The following RICTOR variants were observed in gnomAD, a reference collection of about 807,000 sequenced individuals.
RICTOR encodes rapamycin-insensitive companion of mTOR.
In RICTOR, 49 loss-of-function variants were observed where a neutral mutation model predicts 214.9. That is an observed-to-expected ratio of 0.23 (90% CI 0.18 to 0.29). The LOEUF is 0.29. RICTOR is among the 10% of genes least tolerant of loss of function. The pLI is 1.00. For synonymous variants in RICTOR, 717 were observed against 711.3 expected, an observed-to-expected ratio of 1.01 and a Z score of -0.13; for missense variants, 1,625 against 2,047.0, an observed-to-expected ratio of 0.79 and a Z score of 3.98.
intron 7 of RICTOR, among the ~76,000 whole-genome samples, chr5:38,986,746 T>G (rs1752201212): frequency 6.6e-6 from 1 of 152,222 alleles, no homozygotes; most frequent in African/African-American, 2.4e-5. Context: ...TGGCCAGAAC[T>G]TCTAATACTA....
At chr5:39,050,638 CA>C (rs148867697) in intron 2 of RICTOR, among the ~76,000 whole-genome samples, 6,840 of 152,100 alleles carry the variant, frequency 0.045, 285 homozygotes, top group African/African-American at 0.1. Context: ...GCCTGACCTA[CA>C]AAGAACTTAC....
At chr5:39,016,268 CAG>C (rs1362298427) in intron 3 of RICTOR, among the ~76,000 whole-genome samples, 1 of 149,512 alleles carries the variant, frequency 6.7e-6, no homozygotes, top group African/African-American at 2.5e-5. Context: ...GCCTTCATTA[CAG>C]AGATACACTG....
intron 5 of RICTOR, among the ~76,000 whole-genome samples, chr5:39,002,326 G>A (rs575161441): frequency 6.6e-6 from 1 of 152,006 alleles, no homozygotes; most frequent in Admixed American, 6.6e-5. Flanking sequence ...CAACTGATTG[G>A]AGATGTAACA....
At chr5:39,000,655 A>G (rs1372016469) in intron 5 of RICTOR, among the ~76,000 whole-genome samples, 1 of 151,998 alleles carries the variant, frequency 6.6e-6, no homozygotes, top group African/African-American at 2.4e-5. Context: ...GGTAAGAAAA[A>G]GATAAAGATT....
chr5:38,948,757 C>T (rs1434225062), intron 31 of RICTOR, among the ~76,000 whole-genome samples: 1 of 152,060 alleles, frequency 6.6e-6, no homozygotes, highest in East Asian at 1.9e-4. Context: ...ATAGATGAGA[C>T]ATTGCTGCAT....
intron 21 of RICTOR, 47 bp from the exon 22 acceptor site, chr5:38,959,368 T>C (rs1001886964): frequency 1.9e-6 from 2 of 1,055,986 alleles, no homozygotes; most frequent in Non-Finnish European, 2.7e-6. Context: ...ATTACTATAT[T>C]GATACATTAA....
At chr5:39,065,810 C>G (rs1758864333) in intron 2 of RICTOR, among the ~76,000 whole-genome samples, 1 of 152,262 alleles carries the variant, frequency 6.6e-6, no homozygotes, top group Non-Finnish European at 1.5e-5. Flanking sequence ...TCAAGGCACA[C>G]TGCTGCAAAG....
At chr5:39,072,778 CTAAT>C (rs1187485492) in intron 2 of RICTOR, among the ~76,000 whole-genome samples, 1 of 152,164 alleles carries the variant, frequency 6.6e-6, no homozygotes, top group African/African-American at 2.4e-5. Flanking sequence ...CATTGATAAT[CTAAT>C]TAGTAGCCAT....
chr5:39,016,358 G>A (rs529804073), intron 3 of RICTOR, among the ~76,000 whole-genome samples: 24 of 151,846 alleles, frequency 1.6e-4, no homozygotes, highest in African/African-American at 5.3e-4. Flanking sequence ...TGAGAAAAGA[G>A]GGAGGAAGAG....
intron 7 of RICTOR, among the ~76,000 whole-genome samples, chr5:38,989,752 C>T (rs1269765977): frequency 6.6e-6 from 1 of 152,126 alleles, no homozygotes; most frequent in African/African-American, 2.4e-5. Context: ...TGAAAAAAAG[C>T]TCATTACCAC....
intron 2 of RICTOR, among the ~76,000 whole-genome samples, chr5:39,054,040 C>T (rs1758035002): frequency 6.6e-6 from 1 of 152,074 alleles, no homozygotes. Flanking sequence ...GGAGATCGAG[C>T]CACTGCGCTC....
At chr5:39,030,062 C>T (rs901140000) in intron 2 of RICTOR, among the ~76,000 whole-genome samples, 2 of 152,088 alleles carry the variant, frequency 1.3e-5, no homozygotes, top group South Asian at 2.1e-4. Context: ...TTAATGATCA[C>T]ATTAGATATT....
intron 2 of RICTOR, among the ~76,000 whole-genome samples, chr5:39,061,506 A>C (rs1319471925): frequency 6.6e-6 from 1 of 152,044 alleles, no homozygotes; most frequent in Admixed American, 6.5e-5. Context: ...TCTTAGAAAC[A>C]AACATTAGAT....
chr5:38,985,318 T>G lies in RICTOR; in HGVS notation c.584-3282A>C, dbSNP rs902571019. On this transcript the variant is annotated intron_variant, in intron 7 of 37. Transcript: ENST00000357387. Reference sequence around the variant, plus strand: ...CTAGATTACTTACAATACCCTACAATGTAAACCCTATGTAAATGGTTATAC... The same window carrying G: ...CTAGATTACTTACAATACCCTACAAGGTAAACCCTATGTAAATGGTTATAC... 1.3e-4 allele frequency among the ~76,000 whole-genome samples: 20 copies of G among 152,192 alleles called. 1 individual carries two copies. The highest frequency in any genetic ancestry group is 4.8e-4 in the African/African-American group (20 of 41,460).
At chr5:38,972,525 A>T (rs1428701932) in intron 10 of RICTOR, among the ~76,000 whole-genome samples, 1 of 152,222 alleles carries the variant, frequency 6.6e-6, no homozygotes, top group Non-Finnish European at 1.5e-5. Flanking sequence ...ATCATTAGTC[A>T]TCAGGGAAAT....
chr5:38,994,935 A>T (rs1753069274), intron 6 of RICTOR, among the ~76,000 whole-genome samples: 2 of 152,230 alleles, frequency 1.3e-5, no homozygotes, highest in Admixed American at 1.3e-4. Flanking sequence ...GATTCTGCAT[A>T]GCAATACAAA....
At chr5:39,058,039 CAT>C (rs1758309610) in intron 2 of RICTOR, among the ~76,000 whole-genome samples, 1 of 151,946 alleles carries the variant, frequency 6.6e-6, no homozygotes, top group Non-Finnish European at 1.5e-5. Flanking sequence ...TAAAACAACA[CAT>C]GTTGCCAAGT....
chr5:38,975,042 C>G (rs189143974), intron 10 of RICTOR, among the ~76,000 whole-genome samples: 2 of 152,268 alleles, frequency 1.3e-5, no homozygotes, highest in Non-Finnish European at 1.5e-5. Flanking sequence ...ATTAACAACA[C>G]ATTTAATGGT....
rs202039238 is a variant in RICTOR, at chr5:39,000,059, TAAG to T, written c.392+2473_392+2475del. On this transcript the variant is annotated intron_variant, in intron 5 of 37. Transcript: ENST00000357387. ...ATAATTATAAAAGGATTAAGCCCAATAAGAAGATTTAGCAGTTCTAAACATGAA... is the reference window on the plus strand; with the variant it reads ...ATAATTATAAAAGGATTAAGCCCAATAAGATTTAGCAGTTCTAAACATGAA... Among the ~76,000 whole-genome samples, 236 of 151,982 alleles carry T rather than the reference TAAG, an allele frequency of 1.6e-3. 2 individuals are homozygous for T. The highest frequency in any genetic ancestry group is 5.5e-3 in the African/African-American group (227 of 41,504).
Sources: allele counts gnomAD v4.1 joint callset (sites outside exome capture counted in the v4.1 genomes callset), GRCh38; gene constraint gnomAD v4.1.1; transcripts MANE v1.5; gene names NCBI Gene and HGNC (gene_info 2026-07-23, HGNC 2026-07-21).